The following RADIL variants were observed in gnomAD, a reference collection of about 807,000 sequenced individuals.
RADIL encodes ras-associating and dilute domain-containing protein.
A neutral mutation model predicts 97.6 loss-of-function variants in RADIL; 99 were observed. The observed-to-expected ratio is 1.01, with a 90% CI of 0.86 to 1.20. The LOEUF (loss-of-function observed/expected upper bound fraction) is 1.20, where lower values mean the gene tolerates loss of function less well. RADIL is among the 50% of genes most tolerant of loss of function. RADIL has a pLI of 0.00. For missense variants in RADIL, 1,765 were observed against 1,498.9 expected, an observed-to-expected ratio of 1.18 and a Z score of -2.93; for synonymous variants, 803 against 691.8, an observed-to-expected ratio of 1.16 and a Z score of -2.52.
At chr7:4,806,200 G>C (rs565749202) in intron 9 of RADIL, among the ~76,000 whole-genome samples, 1 of 152,176 alleles carries the variant, frequency 6.6e-6, no homozygotes, top group Non-Finnish European at 1.5e-5. Flanking sequence ...CGCAGGTTGG[G>C]GTGCAGTGGC....
intron 2 of RADIL, chr7:4,859,822 T>G: frequency 2.3e-6 from 2 of 874,178 alleles, no homozygotes; most frequent in Non-Finnish European, 3.6e-6. Flanking sequence ...GTCTTTGTAT[T>G]GAGTTTCTCC....
chr7:4,861,211 T>G (rs1783983632), intron 2 of RADIL: 1 of 1,614,122 alleles, frequency 6.2e-7, no homozygotes. Flanking sequence ...CATTAAGGCT[T>G]CTTATGCATC....
chr7:4,878,166 C>G lies in RADIL; in HGVS notation c.-27G>C. ...GTGGGTGAGGCTTCATGGATGAGGACTGTGGGCTTCAGCCAAAGGATGTGG... is the reference window on the plus strand; with the variant it reads ...GTGGGTGAGGCTTCATGGATGAGGAGTGTGGGCTTCAGCCAAAGGATGTGG... On this transcript the variant is annotated 5_prime_UTR_variant, in exon 2 of 15. Coordinates refer to ENST00000399583, the MANE Select transcript of RADIL (RefSeq NM_018059.5). This position sits in a 1 kb window ranked among gnomAD's most constrained non-coding sequence, Gnocchi z 4.1. 1 of 1,501,128 alleles carries G rather than the reference C, an allele frequency of 6.7e-7. No individual in the cohort carries two copies. Among genetic ancestry groups the G allele is most frequent in the Non-Finnish European group, 8.9e-7 (1 of 1,125,366 alleles). The allele number at this position is 1,501,128 out of a possible 1,614,324, so 93.0% of individuals were successfully genotyped here. A position where few individuals can be genotyped will look rare whatever the true frequency, so the allele number is the denominator to read the frequency against.
intron 1 of RADIL, among the ~76,000 whole-genome samples, chr7:4,882,453 A>T (rs969478448): frequency 6.6e-6 from 1 of 152,176 alleles, no homozygotes; most frequent in South Asian, 2.1e-4. Flanking sequence ...CTCTTAGAGA[A>T]TGTTTTCTCT....
At chr7:4,800,128 G>A (rs758192308) in intron 13 of RADIL, 43 bp downstream of exon 13, 1 of 1,576,372 alleles carries the variant, frequency 6.3e-7, no homozygotes, top group East Asian at 2.3e-5. Flanking sequence ...GGCGGGGCCA[G>A]GCAGCCAGTA....
At chr7:4,800,745 G>A (rs138450670) in intron 12 of RADIL, among the ~76,000 whole-genome samples, 10 of 152,296 alleles carry the variant, frequency 6.6e-5, no homozygotes, top group Non-Finnish European at 1.2e-4. Context: ...CCAAGCACCT[G>A]CCCTGAGGGC....
rs190018672 is a variant in RADIL at position 4,880,948 on chromosome 7, A to G, written c.-65+2648T>C. Among the ~76,000 whole-genome samples the G allele has an allele frequency of 1.6e-4, 24 of 152,144 alleles. No individual in the cohort carries two copies. In the East Asian group the frequency reaches 4.1e-3, roughly 26 times the overall value. ...CCCAATCTCTACAGAAAATAAAAAT[A>G]AAAAATTAGCTGGGCATGGTGTGCA... On this transcript the variant is annotated intron_variant, in intron 1 of 14. Coordinates refer to ENST00000399583, the MANE Select transcript of RADIL (RefSeq NM_018059.5). This position sits in a 1 kb window ranked among gnomAD's most constrained non-coding sequence, Gnocchi z 4.5.
intron 2 of RADIL, chr7:4,861,833 G>GTCAC: frequency 3.2e-6 from 4 of 1,246,608 alleles, no homozygotes; most frequent in Non-Finnish European, 4.1e-6. Flanking sequence ...GCCCCGCCAG[G>GTCAC]GCACGTCCCC....
chr7:4,799,900 G>C, intron 13 of RADIL, 131 bp from the exon 14 acceptor site: 2 of 1,336,044 alleles, frequency 1.5e-6, no homozygotes, highest in South Asian at 1.5e-5. Flanking sequence ...ATGGTTTCAC[G>C]CGTCCCTCCA....
At chr7:4,827,270 C>T (rs1408757022) in intron 5 of RADIL, among the ~76,000 whole-genome samples, 4 of 151,252 alleles carry the variant, frequency 2.6e-5, no homozygotes, top group African/African-American at 2.4e-5. Context: ...GAGGCTGAGG[C>T]AGGAGAATCG....
intron 12 of RADIL, 49 bp downstream of exon 12, chr7:4,801,600 GTGCT>G (rs1319392521): frequency 3.9e-6 from 6 of 1,521,738 alleles, no homozygotes; most frequent in Non-Finnish European, 5.3e-6. Context: ...GGCCATCAGG[GTGCT>G]GTGCGGGGTC....
chr7:4,879,656 C>T lies in RADIL; in HGVS notation c.-64-1453G>A, dbSNP rs535023245. 1.3e-5 allele frequency among the ~76,000 whole-genome samples: 2 copies of T among 152,132 alleles called. No homozygotes were observed. The highest frequency in any genetic ancestry group is 2.9e-5 in the Non-Finnish European group (2 of 68,026). ...CTTGACTCACTCGTCACGCTGCGGG[C>T]GCTGCAAAAGGCTTCTGGAAAGGAC... On this transcript the variant is annotated intron_variant, in intron 1 of 14. Transcript: ENST00000399583. This position sits in a 1 kb window ranked among gnomAD's most constrained non-coding sequence, Gnocchi z 4.1.
In RADIL at chr7:4,816,309, G is replaced by A. The variant is rs1251955219; in HGVS notation, c.1885C>T (p.His629Tyr). 1 of 1,612,318 alleles carries A rather than the reference G, an allele frequency of 6.2e-7. No homozygotes were observed. Among genetic ancestry groups the A allele is most frequent in the Non-Finnish European group, 8.5e-7 (1 of 1,179,806 alleles). Reference sequence around the variant, plus strand: ...AGCATCTGCGAGGCCACCTCGGGGTGCACCTGCAGCTGCCGCAGGAGGTCC... The same window carrying A: ...AGCATCTGCGAGGCCACCTCGGGGTACACCTGCAGCTGCCGCAGGAGGTCC... ...ALDLLRQLQV[H>Y]PEVASQMLAY... is the part of the protein sequence containing the mutation. Residue 629 changes from histidine to tyrosine, a missense_variant, in exon 8 of 15, where the codon CAC (histidine) becomes TAC (tyrosine). His to Tyr is a moderately conservative substitution (Grantham distance 83). Transcript: ENST00000399583.
chr7:4,821,299 C>T lies in RADIL; in HGVS notation c.1615+1095G>A, dbSNP rs993929788. ...GAGGGCAGTGGGTGGACAGCAAGGC[C>T]GTTGGGGGCAGAACCAAGGCTTCCC... On this transcript the variant is annotated intron_variant, in intron 6 of 14. Coordinates refer to ENST00000399583, the MANE Select transcript of RADIL (RefSeq NM_018059.5). The surrounding 1 kb of genome is among the most constrained non-coding windows in gnomAD (Gnocchi z 5.2). 2.0e-5 allele frequency among the ~76,000 whole-genome samples: 3 copies of T among 152,152 alleles called. No homozygotes were observed. Among genetic ancestry groups the T allele is most frequent in the South Asian group, 2.1e-4 (1 of 4,828 alleles).
At position 4,860,228 on chromosome 7, in the gene RADIL, G is replaced by A. The variant is rs1368946799; in HGVS notation, c.535+17377C>T. 8 of 1,613,870 alleles carry A rather than the reference G, an allele frequency of 5.0e-6. No homozygotes were observed. Among genetic ancestry groups the A allele is most frequent in the Non-Finnish European group, 6.8e-6 (8 of 1,179,896 alleles). ...CACAGACATGCTGTTTTCACAGCCTGCAGACAAGTCAAAGCTGCTGTCGTT... is the reference window on the plus strand; with the variant it reads ...CACAGACATGCTGTTTTCACAGCCTACAGACAAGTCAAAGCTGCTGTCGTT... On this transcript the variant is annotated intron_variant, in intron 2 of 14. Coordinates refer to ENST00000399583, the MANE Select transcript of RADIL (RefSeq NM_018059.5).
rs571239316 is a variant in RADIL, at chr7:4,879,617, T to C, written c.-64-1414A>G. On this transcript the variant is annotated intron_variant, in intron 1 of 14. Transcript: ENST00000399583. This position sits in a 1 kb window ranked among gnomAD's most constrained non-coding sequence, Gnocchi z 4.1. The stretch of plus-strand genomic sequence containing the variant: ...AGTACTAAACACCGCAGCAGCCAAC[T>C]GTCACTGTCCAGGCTTGACTCACTC... Among the ~76,000 whole-genome samples the C allele has an allele frequency of 6.6e-6, 1 of 152,288 alleles. No homozygotes were observed. Among genetic ancestry groups the C allele is most frequent in the African/African-American group, 2.4e-5 (1 of 41,556 alleles).
rs751521274 is a variant in RADIL, at chr7:4,835,252, C to T, written c.784-13G>A. The T allele has an allele frequency of 1.1e-5, 18 of 1,606,180 alleles. No homozygotes were observed. Among genetic ancestry groups the T allele is most frequent in the Non-Finnish European group, 1.5e-5 (18 of 1,179,604 alleles). On this transcript the variant is annotated splice_polypyrimidine_tract_variant and intron_variant, in intron 3 of 14. Transcript: ENST00000399583. The surrounding 1 kb of genome is among the most constrained non-coding windows in gnomAD (Gnocchi z 5.8). ...ACACCAGGCTGTCCTGAAACAGAGA[C>T]TCCGCTCAGGGCAGGCGTAACGCGA... is the stretch of plus-strand genomic sequence containing the variant.
chr7:4,825,624 C>G (rs187337584), intron 5 of RADIL, among the ~76,000 whole-genome samples: 1 of 152,198 alleles, frequency 6.6e-6, no homozygotes, highest in East Asian at 1.9e-4. Flanking sequence ...CGCCTGTAAT[C>G]CCAGCACTTT....
At chr7:4,808,766 G>GTTCCGACGCCACTGCCCTCCA (rs1782432668) in intron 9 of RADIL, 3 of 898,644 alleles carry the variant, frequency 3.3e-6, no homozygotes, top group African/African-American at 3.2e-5. Context: ...ACTGCCCCCC[G>GTTCCGACGCCACTGCCCTCCA]TTCCGACGCC....
Sources: gnomAD v4.1 joint callset for allele counts (sites outside exome capture counted in the v4.1 genomes callset) on GRCh38, gnomAD v4.1.1 for gene constraint, Gnocchi (gnomAD v3.1) non-coding constraint, MANE v1.5 for transcripts, NCBI Gene and HGNC (gene_info 2026-07-23, HGNC 2026-07-21) for gene names.